The following LZTFL1 variants were observed in gnomAD, a reference collection of about 807,000 sequenced individuals.
LZTFL1 encodes the protein leucine zipper transcription factor like 1.
Under a neutral mutation model 45.9 loss-of-function variants are expected in LZTFL1, and 25 were observed. The ratio of observed to expected loss-of-function variants is 0.54; its 90% CI spans 0.40 to 0.76. The LOEUF (loss-of-function observed/expected upper bound fraction) is 0.76, where lower values mean the gene tolerates loss of function less well. Among genes scored for constraint, LZTFL1 ranks in the 30% least tolerant of loss-of-function variants. The pLI, the probability that LZTFL1 is intolerant of heterozygous loss-of-function variation, is 0.00. For synonymous variants in LZTFL1, 93 were observed against 117.4 expected (o/e 0.79, Z 1.35); for missense variants, 277 against 331.1 (o/e 0.84, Z 1.27).
intron 2 of LZTFL1, among the ~76,000 whole-genome samples, chr3:45,892,324 C>T (rs571932551): frequency 2.0e-5 from 3 of 152,062 alleles, no homozygotes; most frequent in Admixed American, 6.5e-5. Flanking sequence ...TGTTCATCAA[C>T]GATAGACTGG....
intron 2 of LZTFL1, 96 bp from the exon 3 acceptor site, chr3:45,835,880 G>T: frequency 2.7e-6 from 2 of 744,812 alleles, no homozygotes; most frequent in East Asian, 2.7e-5. Context: ...TGTAATCTAA[G>T]AAATTCAAAG....
At chr3:45,877,758 T>TC in intron 2 of LZTFL1, among the ~76,000 whole-genome samples, 1 of 150,920 alleles carries the variant, frequency 6.6e-6, no homozygotes, top group Middle Eastern at 3.4e-3. Flanking sequence ...TTTTTTTTTT[T>TC]CCTGAGACAG....
intron 2 of LZTFL1, among the ~76,000 whole-genome samples, chr3:45,899,767 A>G (rs1479174541): frequency 6.6e-6 from 1 of 152,148 alleles, no homozygotes; most frequent in Non-Finnish European, 1.5e-5. Flanking sequence ...CTCCTCCTCC[A>G]TCAGCAGTCC....
intron 7 of LZTFL1, 150 bp downstream of exon 7, chr3:45,830,763 G>T: frequency 1.5e-6 from 1 of 678,080 alleles, no homozygotes; most frequent in Non-Finnish European, 2.5e-6. Context: ...CCTTTTGGGG[G>T]CAAGAATGTC....
At position 45,879,973 on chromosome 3, in the gene LZTFL1, A is replaced by G. The variant is rs148649887; in HGVS notation, c.-214-20957T>C. ...CGTTTAGTGTGTGTGTCCTCCTTCC[A>G]TCAGGGGTGGCAGGAGGGAGGGATG... is the stretch of plus-strand genomic sequence containing the variant. On this transcript the variant is annotated intron_variant, in intron 2 of 4. Transcript: ENST00000472635. Among the ~76,000 whole-genome samples the G allele has an allele frequency of 2.8e-3, 423 of 152,302 alleles. 2 individuals carry two copies. Among genetic ancestry groups the G allele is most frequent in the African/African-American group, 9.6e-3 (401 of 41,572 alleles).
chr3:45,899,195 G>C (rs1278378871), intron 2 of LZTFL1, among the ~76,000 whole-genome samples: 2 of 152,172 alleles, frequency 1.3e-5, no homozygotes, highest in Non-Finnish European at 2.9e-5. Context: ...AATAAAACAA[G>C]TTTTGTAGGA....
At chr3:45,907,262 A>T (rs1320743429) in intron 2 of LZTFL1, among the ~76,000 whole-genome samples, 4 of 152,136 alleles carry the variant, frequency 2.6e-5, no homozygotes, top group Non-Finnish European at 5.9e-5. Flanking sequence ...AGGGACTGGC[A>T]TCTCCTTCTG....
chr3:45,897,109 C>G (rs992255858), intron 2 of LZTFL1, among the ~76,000 whole-genome samples: 2 of 152,180 alleles, frequency 1.3e-5, no homozygotes, highest in African/African-American at 4.8e-5. Flanking sequence ...AGGACACAGA[C>G]AGGCAGGATG....
intron 2 of LZTFL1, chr3:45,902,076 A>C: frequency 1.7e-6 from 1 of 604,090 alleles, no homozygotes; most frequent in South Asian, 2.4e-5. Flanking sequence ...AAATCAACTG[A>C]CTAGTGCAGG....
chr3:45,888,345 T>C (rs1702047209), intron 2 of LZTFL1, among the ~76,000 whole-genome samples: 1 of 152,192 alleles, frequency 6.6e-6, no homozygotes, highest in African/African-American at 2.4e-5. Context: ...CCCTCCTGGA[T>C]TCTCCCCAGA....
chr3:45,904,640 G>A (rs1295149548), intron 2 of LZTFL1, among the ~76,000 whole-genome samples: 1 of 152,230 alleles, frequency 6.6e-6, no homozygotes, highest in Non-Finnish European at 1.5e-5. Context: ...CGCCATTGCA[G>A]TATGGCCATT....
chr3:45,824,847 G>C lies in LZTFL1; in HGVS notation c.*1467C>G. On this transcript the variant is annotated 3_prime_UTR_variant, in exon 10 of 10. Coordinates refer to ENST00000296135, the MANE Select transcript of LZTFL1 (RefSeq NM_020347.4). ...AGCCCTCAACAAAAGCTCCAAAAGG[G>C]CACAGAAACTGGTAAGTGACCTAAA... 2.5e-6 allele frequency: 1 copy of C among 398,386 alleles called. No individual in the cohort carries two copies. The highest frequency in any genetic ancestry group is 4.4e-6 in the Non-Finnish European group (1 of 225,936). 24.7% of individuals were successfully genotyped at this position (398,386 alleles called of 1,614,324 possible). A position where few individuals can be genotyped will look rare whatever the true frequency, so the allele number is the denominator to read the frequency against.
intron 4 of LZTFL1, among the ~76,000 whole-genome samples, chr3:45,851,580 C>G (rs1347075447): frequency 6.6e-6 from 1 of 152,124 alleles, no homozygotes; most frequent in East Asian, 1.9e-4. Flanking sequence ...TTCTCTTTGA[C>G]TCATTTCTCT....
chr3:45,841,936 C>T (rs1701129451), intron 1 of LZTFL1, 53 bp downstream of exon 1: 8 of 1,601,820 alleles, frequency 5.0e-6, no homozygotes, highest in Non-Finnish European at 6.8e-6. Flanking sequence ...GTCTCCAGCC[C>T]CGGCCGCGCT....
At chr3:45,913,223 T>C in intron 1 of LZTFL1, 1 of 1,347,950 alleles carries the variant, frequency 7.4e-7, no homozygotes, top group Non-Finnish European at 1.0e-6. Flanking sequence ...CTACTATTGT[T>C]ACTATTAACA....
chr3:45,869,519 G>A (rs1223914028), intron 2 of LZTFL1, among the ~76,000 whole-genome samples: 1 of 152,092 alleles, frequency 6.6e-6, no homozygotes, highest in Non-Finnish European at 1.5e-5. Flanking sequence ...TCCCTAGCCT[G>A]GGATGGGACA....
intron 2 of LZTFL1, among the ~76,000 whole-genome samples, chr3:45,837,178 T>A (rs79677883): frequency 0.019 from 2,819 of 152,364 alleles, 77 homozygotes; most frequent in African/African-American, 0.065. Flanking sequence ...CACAACTTTT[T>A]AAATATAAAT....
chr3:45,857,493 G>GAAA (rs1701412502), intron 3 of LZTFL1, among the ~76,000 whole-genome samples: 2 of 152,224 alleles, frequency 1.3e-5, no homozygotes, highest in South Asian at 4.1e-4. Context: ...TAAAAAACCT[G>GAAA]CACGTCCCAG....
intron 3 of LZTFL1, among the ~76,000 whole-genome samples, chr3:45,856,295 C>G (rs1367923354): frequency 6.6e-6 from 1 of 152,138 alleles, no homozygotes; most frequent in African/African-American, 2.4e-5. Context: ...AAAGGATTCC[C>G]TATTTAATAA....
Sources: gnomAD v4.1 joint callset for allele counts (sites outside exome capture counted in the v4.1 genomes callset) on GRCh38, gnomAD v4.1.1 for gene constraint, MANE v1.5 for transcripts, NCBI Gene and HGNC (gene_info 2026-07-23, HGNC 2026-07-21) for gene names.